The following JPH3 variants were observed in gnomAD, a reference collection of about 807,000 sequenced individuals.
The protein encoded by JPH3 is junctophilin-3.
A neutral mutation model predicts 59.6 loss-of-function variants in JPH3; 11 were observed. The ratio of observed to expected loss-of-function variants is 0.18; its 90% confidence interval spans 0.12 to 0.31. The LOEUF (loss-of-function observed/expected upper bound fraction) is 0.31, where lower values mean the gene tolerates loss of function less well. JPH3 is among the 10% of genes least tolerant of loss of function. The pLI, the probability that JPH3 is intolerant of heterozygous loss-of-function variation, is 1.00. For synonymous variants in JPH3, 673 were observed against 483.6 expected, an observed-to-expected ratio of 1.39 and a Z score of -5.14; for missense variants, 1,202 against 1,105.7, an observed-to-expected ratio of 1.09 and a Z score of -1.24.
At chr16:87,651,996 A>T (rs1219712103) in intron 2 of JPH3, among the ~76,000 whole-genome samples, 4 of 150,404 alleles carry the variant, frequency 2.7e-5, no homozygotes, top group South Asian at 2.2e-4. Flanking sequence ...TTGTTTTGAG[A>T]TGGAGTCTCG....
intron 3 of JPH3, among the ~76,000 whole-genome samples, chr16:87,687,700 G>C (rs1298565575): frequency 2.0e-5 from 3 of 152,224 alleles, no homozygotes; most frequent in African/African-American, 4.8e-5. Context: ...AACGTTACCT[G>C]CTCAGCAGCT....
chr16:87,613,380 G>A (rs2150823676), intron 1 of JPH3, among the ~76,000 whole-genome samples: 1 of 151,708 alleles, frequency 6.6e-6, no homozygotes, highest in South Asian at 2.1e-4. Flanking sequence ...ATTACAGGTA[G>A]CGTGAACTCA....
intron 4 of JPH3, chr16:87,694,563 C>T (rs1388746856): frequency 1.3e-5 from 2 of 152,302 alleles, no homozygotes; most frequent in Non-Finnish European, 2.9e-5. Context: ...TCCTGTGTGT[C>T]AAGAGCAGAG....
chr16:87,645,808 C>G (rs2150846839), intron 2 of JPH3, among the ~76,000 whole-genome samples: 1 of 152,284 alleles, frequency 6.6e-6, no homozygotes, highest in Admixed American at 6.5e-5. Flanking sequence ...CCCCGCCAAG[C>G]TGTGGCTGGC....
At chr16:87,692,857 G>A (rs1383667266) in intron 4 of JPH3, among the ~76,000 whole-genome samples, 1 of 152,206 alleles carries the variant, frequency 6.6e-6, no homozygotes, top group Non-Finnish European at 1.5e-5. Context: ...CTGCTTCCCG[G>A]CCCAGAGCAC....
intron 2 of JPH3, among the ~76,000 whole-genome samples, chr16:87,676,588 G>T (rs2033146037): frequency 6.6e-6 from 1 of 151,792 alleles, no homozygotes; most frequent in South Asian, 2.1e-4. Context: ...ACAAAAATTA[G>T]TCAGGCATGG....
chr16:87,625,431 G>A (rs902785695), intron 1 of JPH3, among the ~76,000 whole-genome samples: 8 of 152,270 alleles, frequency 5.3e-5, no homozygotes, highest in South Asian at 2.1e-4. Flanking sequence ...ATCATCAGCC[G>A]CTGGGCACCC....
chr16:87,603,178 A>T lies in JPH3; in HGVS notation c.32A>T (p.Asp11Val). 1 of 1,613,910 alleles carries T rather than the reference A, an allele frequency of 6.2e-7. No homozygotes were observed. The highest frequency in any genetic ancestry group is 8.5e-7 in the Non-Finnish European group (1 of 1,179,888). Reference protein sequence around the residue: MSSGGRFNFDDGGSYCGGWED... With the variant: MSSGGRFNFDVGGSYCGGWED... ...AGTGGGGGCAGGTTTAATTTTGACG[A>T]CGGAGGGTCCTACTGTGGAGGCTGG... is the stretch of plus-strand genomic sequence containing the variant. The change falls in exon 1 of 5, where the codon GAC (aspartate) becomes GTC (valine). Residue 11 changes from aspartate (D) to valine (V), a missense_variant. Coordinates refer to ENST00000284262, the MANE Select transcript of JPH3 (RefSeq NM_020655.4).
In JPH3 at chr16:87,616,227, TG is replaced by T. The variant is rs1567583306; in HGVS notation, c.382+12700del. On this transcript the variant is annotated intron_variant, in intron 1 of 4. Transcript: ENST00000284262. Reference sequence around the variant, plus strand: ...GTGTGTGTGTGTGTGTGTGTGTGTGTGTGTGTGTGTATTTTTTTTTTTTTGA... The same window carrying T: ...GTGTGTGTGTGTGTGTGTGTGTGTGTTGTGTGTGTATTTTTTTTTTTTTGA... 2.8e-3 allele frequency among the ~76,000 whole-genome samples: 406 copies of T among 145,882 alleles called. 3 individuals carry two copies. The highest frequency in any genetic ancestry group is 8.4e-3 in the Admixed American group (124 of 14,754).
chr16:87,684,161 A>C lies in JPH3; in HGVS notation c.1180A>C (p.Lys394Gln). Residue 394 changes from lysine to glutamine, a missense_variant, in exon 3 of 5, where the codon AAG becomes CAG. Coordinates refer to ENST00000284262, the MANE Select transcript of JPH3 (RefSeq NM_020655.4). The part of the protein sequence containing the change: ...AASRTSHSRA[K>Q]AEAALTAAQK... ...CCCCAGGACCTCCCACTCTCGGGCAAAGGCCGAGGCAGCCCTCACAGCAGC... is the reference window on the plus strand; with the variant it reads ...CCCCAGGACCTCCCACTCTCGGGCACAGGCCGAGGCAGCCCTCACAGCAGC... 6.2e-7 allele frequency: 1 copy of C among 1,613,642 alleles called. No homozygotes were observed. The highest frequency in any genetic ancestry group is 1.1e-5 in the South Asian group (1 of 91,068).
In JPH3 at chr16:87,644,865, C is replaced by A. The variant is rs34200070; in HGVS notation, c.990C>A (p.Asp330Glu). The change falls in exon 2 of 5, where the codon GAC becomes GAA. Residue 330 changes from aspartate (D) to glutamate (E), a missense_variant. Coordinates refer to ENST00000284262, the MANE Select transcript of JPH3 (RefSeq NM_020655.4). ...GCTACGGCTGCATGACCTTCCCGGA[C>A]GGCACCAAGGAGGAGGGCAAGTACA... ...RHGYGCMTFP[D>E]GTKEEGKYKQ... is the part of the protein sequence containing the mutation. 6.2e-7 allele frequency: 1 copy of A among 1,613,308 alleles called. No individual in the cohort carries two copies. Among genetic ancestry groups the A allele is most frequent in the Non-Finnish European group, 8.5e-7 (1 of 1,179,934 alleles).
intron 4 of JPH3, chr16:87,696,117 C>T (rs1319959497): frequency 4.4e-6 from 2 of 457,970 alleles, no homozygotes; most frequent in Non-Finnish European, 8.8e-6. Context: ...CCTCTGAGTT[C>T]CAGGGCCTCT....
At chr16:87,602,454 GGGGCGGGCGGGGGCGCGCGGGC>G (rs2030248902), upstream of JPH3, among the ~76,000 whole-genome samples, 1 of 125,856 alleles carries the variant, frequency 7.9e-6, no homozygotes, top group Non-Finnish European at 1.7e-5. Context: ...CGGGGGGCGG[GGGGCGGGCGGGGGCGCGCGGGC>G]GGGCGGGGTG....
intron 2 of JPH3, among the ~76,000 whole-genome samples, chr16:87,651,627 G>A (rs1483859568): frequency 3.3e-5 from 5 of 152,244 alleles, no homozygotes; most frequent in African/African-American, 1.2e-4. Context: ...GAAATAGCAA[G>A]AGAACTGGAA....
At chr16:87,691,662 C>A (rs1036974815) in intron 4 of JPH3, among the ~76,000 whole-genome samples, 1 of 152,130 alleles carries the variant, frequency 6.6e-6, no homozygotes, top group East Asian at 1.9e-4. Context: ...TCCTGCCGGG[C>A]GGCAATGCCT....
At chr16:87,696,288 G>T (rs780888988) in intron 4 of JPH3, 1 of 512,044 alleles carries the variant, frequency 2.0e-6, no homozygotes, top group South Asian at 2.0e-5. Flanking sequence ...CTCTCCAAGG[G>T]GACCCTGGGA....
chr16:87,667,624 C>T (rs1322603442), intron 2 of JPH3, among the ~76,000 whole-genome samples: 3 of 152,168 alleles, frequency 2.0e-5, no homozygotes, highest in Non-Finnish European at 4.4e-5. Context: ...TCACCTGTGA[C>T]AGCGGGGGGT....
intron 2 of JPH3, among the ~76,000 whole-genome samples, chr16:87,665,551 C>G (rs1244513824): frequency 6.6e-6 from 1 of 152,242 alleles, no homozygotes; most frequent in Non-Finnish European, 1.5e-5. Flanking sequence ...TGAGCCCCAC[C>G]TCACAGATGC....
intron 2 of JPH3, chr16:87,654,643 C>G (rs1442327645): frequency 6.6e-6 from 1 of 152,240 alleles, no homozygotes; most frequent in African/African-American, 2.4e-5. Flanking sequence ...TCAGGTCATC[C>G]CTGCCACCAG....
Sources: gnomAD v4.1 joint callset for allele counts (sites outside exome capture counted in the v4.1 genomes callset) on GRCh38, gnomAD v4.1.1 for gene constraint, MANE v1.5 for transcripts, NCBI Gene and HGNC (gene_info 2026-07-23, HGNC 2026-07-21) for gene names.